GLG1: variants seen among roughly 807,000 people sequenced by gnomAD.
GLG1 encodes Golgi apparatus protein 1.
A neutral mutation model predicts 160.5 loss-of-function variants in GLG1; 38 were observed. That is an observed-to-expected ratio of 0.24 (90% CI 0.18 to 0.31). The LOEUF is 0.31. GLG1 is among the 10% of genes least tolerant of loss of function. The pLI is 1.00. For missense variants in GLG1, 1,373 were observed against 1,505.2 expected, an observed-to-expected ratio of 0.91 and a Z score of 1.45; for synonymous variants, 644 against 543.4, an observed-to-expected ratio of 1.19 and a Z score of -2.57.
Position 74,607,029 on chromosome 16 carries a change from T to TAGC in GLG1, c.63_65dup (p.Leu22dup). On this transcript the variant is annotated inframe_insertion, in exon 1 of 26. Transcript: ENST00000422840. ...GGAGTTTCTCGGCCCCGGCCGCGAATAGCAGCAGCAGATGCAGCGCCGCCG... is the reference window on the plus strand; with the variant it reads ...GGAGTTTCTCGGCCCCGGCCGCGAATAGCAGCAGCAGCAGATGCAGCGCCGCCG... 2 of 1,598,008 alleles carry TAGC rather than the reference T, an allele frequency of 1.3e-6. No homozygotes were observed. Among genetic ancestry groups the TAGC allele is most frequent in the East Asian group, 2.3e-5 (1 of 44,304 alleles).
Position 74,477,398 on chromosome 16 carries a change from G to T in GLG1, c.1963C>A (p.Gln655Lys). Residue 655 changes from glutamine (Q) to lysine (K), a missense_variant and splice_region_variant, in exon 12 of 26, where the codon CAG becomes AAG. Physicochemically the swap from Gln to Lys is moderately conservative, Grantham distance 53. Coordinates refer to ENST00000422840, the MANE Select transcript of GLG1 (RefSeq NM_001145667.2). ...KWCSEKTETGQELECLQDHLD... is the reference protein window; with the variant it reads ...KWCSEKTETGKELECLQDHLD... ...AAACAGAAAGCGATGTCACCTACCT[G>T]TCCAGTCTCTGTTTTCTCACTGCAC... 1 of 1,609,340 alleles carries T rather than the reference G, an allele frequency of 6.2e-7. No homozygotes were observed. Among genetic ancestry groups the T allele is most frequent in the Non-Finnish European group, 8.5e-7 (1 of 1,175,698 alleles).
intron 11 of GLG1, among the ~76,000 whole-genome samples, chr16:74,477,977 A>AAAAACAAATAAATAAAT (rs55773213): frequency 7.1e-6 from 1 of 140,148 alleles, no homozygotes; most frequent in African/African-American, 2.6e-5. Flanking sequence ...CCGTCTCAAA[A>AAAAACAAATAAATAAAT]AAATAAATAA....
In GLG1 at chr16:74,452,917, A is replaced by G. The variant is rs576686296; in HGVS notation, c.*250T>C. 6 of 1,192,000 alleles carry G rather than the reference A, an allele frequency of 5.0e-6. No homozygotes were observed. The South Asian group carries it at 1.5e-4, about 30-fold the overall frequency. The allele number at this position is 1,192,000 out of a possible 1,614,324, so 73.8% of individuals were successfully genotyped here. On this transcript the variant is annotated 3_prime_UTR_variant, in exon 26 of 26. Transcript: ENST00000422840. ...GTATGAGAGAGACTTGTCTACAGGC[A>G]GGTAAACCCAAGTTTGCCAAACAAA...
rs934908742 is a variant in GLG1 at position 74,448,514 on chromosome 16, C to G, written c.*4653G>C. On this transcript the variant is annotated 3_prime_UTR_variant, in exon 26 of 26. Coordinates refer to ENST00000422840, the MANE Select transcript of GLG1 (RefSeq NM_001145667.2). ...TATACCAAAATGCACATAATTGAGG[C>G]CAAGGTGGGTGGACCACATGTGGTC... is the stretch of plus-strand genomic sequence containing the variant. 4 of 152,168 alleles carry G rather than the reference C, an allele frequency of 2.6e-5. No individual in the cohort carries two copies. The highest frequency in any genetic ancestry group is 5.9e-5 in the Non-Finnish European group (4 of 68,040). 9.4% of individuals were successfully genotyped at this position (152,168 alleles called of 1,614,324 possible). A position where few individuals can be genotyped will look rare whatever the true frequency, so the allele number is the denominator to read the frequency against.
intron 9 of GLG1, 33 bp from the exon 10 acceptor site, chr16:74,483,157 G>T: frequency 7.8e-7 from 1 of 1,280,886 alleles, no homozygotes; most frequent in Non-Finnish European, 1.1e-6. Flanking sequence ...TGTAACAAGA[G>T]AGAAGTGTTC....
intron 2 of GLG1, among the ~76,000 whole-genome samples, chr16:74,509,212 G>A (rs1285489043): frequency 9.8e-6 from 1 of 101,678 alleles, no homozygotes; most frequent in Non-Finnish European, 1.8e-5. Flanking sequence ...CACTCTTGTT[G>A]CCCAGGCTGG....
At chr16:74,501,595 A>G (rs1251054542) in intron 4 of GLG1, among the ~76,000 whole-genome samples, 1 of 152,196 alleles carries the variant, frequency 6.6e-6, no homozygotes, top group Non-Finnish European at 1.5e-5. Flanking sequence ...CTTGGTGGTT[A>G]CCAGGCAAGA....
intron 20 of GLG1, 67 bp from the exon 21 acceptor site, chr16:74,462,697 C>A: frequency 6.8e-7 from 1 of 1,464,524 alleles, no homozygotes; most frequent in Admixed American, 1.7e-5. Context: ...TAGATATCCA[C>A]CTTCCTAAAG....
intron 1 of GLG1, among the ~76,000 whole-genome samples, chr16:74,545,062 A>C (rs940990144): frequency 6.6e-6 from 1 of 152,196 alleles, no homozygotes. Context: ...CAGGAAGGCA[A>C]CTTCGGTTTA....
intron 2 of GLG1, among the ~76,000 whole-genome samples, chr16:74,515,683 C>G (rs146803681): frequency 1.3e-5 from 2 of 151,516 alleles, no homozygotes; most frequent in Non-Finnish European, 2.9e-5. Flanking sequence ...GTACATGTAC[C>G]CTAAAACTTA....
At chr16:74,542,741 GGAAGGAAGGAAGGAAGGA>G in intron 1 of GLG1, among the ~76,000 whole-genome samples, 1 of 9,690 alleles carries the variant, frequency 1.0e-4, no homozygotes, top group African/African-American at 3.1e-4. Flanking sequence ...AAGGGAGGAA[GGAAGGAAGGAAGGAAGGA>G]AGGAAGGAAG....
intron 1 of GLG1, among the ~76,000 whole-genome samples, chr16:74,582,049 A>G (rs986395247): frequency 2.0e-5 from 3 of 152,094 alleles, no homozygotes; most frequent in Non-Finnish European, 4.4e-5. Context: ...AGCATTTCCA[A>G]TCTCTCACCC....
chr16:74,576,341 C>T (rs980333598), intron 1 of GLG1, among the ~76,000 whole-genome samples: 5 of 152,112 alleles, frequency 3.3e-5, no homozygotes, highest in Admixed American at 6.6e-5. Context: ...AAAGAGAATA[C>T]AGCCAAACAT....
intron 2 of GLG1, among the ~76,000 whole-genome samples, chr16:74,527,783 G>A (rs1169744460): frequency 1.3e-5 from 2 of 151,772 alleles, no homozygotes; most frequent in Non-Finnish European, 2.9e-5. Context: ...GGTGAGTGCC[G>A]TGGCGGGATC....
chr16:74,593,960 GCA>G, intron 1 of GLG1, among the ~76,000 whole-genome samples: 1 of 152,012 alleles, frequency 6.6e-6, no homozygotes, highest in East Asian at 1.9e-4. Context: ...AGGCTAGAGT[GCA>G]ATGGCACGAT....
At chr16:74,472,461 T>A in intron 13 of GLG1, 50 bp from the exon 14 acceptor site, 1 of 1,433,300 alleles carries the variant, frequency 7.0e-7, no homozygotes, top group Non-Finnish European at 9.7e-7. Flanking sequence ...AGAGCCAGGG[T>A]GGAGGAGGAG....
chr16:74,471,920 T>TTTTCTTC (rs2015221941), intron 14 of GLG1, among the ~76,000 whole-genome samples: 2 of 151,932 alleles, frequency 1.3e-5, no homozygotes, highest in Admixed American at 6.6e-5. Flanking sequence ...ACTTTTTCTT[T>TTTTCTTC]TTTAGACAGG....
chr16:74,570,670 A>C (rs1405603779), intron 1 of GLG1, among the ~76,000 whole-genome samples: 1 of 152,116 alleles, frequency 6.6e-6, no homozygotes, highest in Non-Finnish European at 1.5e-5. Flanking sequence ...CCAGGGCAGG[A>C]GCATCACTTG....
At chr16:74,556,845 CTG>C (rs1323059317) in intron 1 of GLG1, among the ~76,000 whole-genome samples, 3 of 150,966 alleles carry the variant, frequency 2.0e-5, no homozygotes, top group African/African-American at 7.3e-5. Context: ...ATAGCTGAAA[CTG>C]TGTAACAGTC....
Sources: gnomAD v4.1 joint callset for allele counts (sites outside exome capture counted in the v4.1 genomes callset) on GRCh38, gnomAD v4.1.1 for gene constraint, MANE v1.5 for transcripts, NCBI Gene and HGNC (gene_info 2026-07-23, HGNC 2026-07-21) for gene names.